The following B3GALT4 variants were observed in gnomAD, a reference collection of about 807,000 sequenced individuals.
B3GALT4 encodes the protein beta-1,3-galactosyltransferase 4, also known as UDP-Gal:betaGlcNAc beta 1,3-galactosyltransferase 4.
A neutral mutation model predicts 1.6 loss-of-function variants in B3GALT4; 1 was observed. The ratio of observed to expected loss-of-function variants is 0.64; its 90% CI spans 0.23 to 3.05. The LOEUF (loss-of-function observed/expected upper bound fraction) is 3.05, where lower values mean the gene tolerates loss of function less well. B3GALT4 is among the 30% of genes most tolerant of loss of function. The pLI is 0.21. For synonymous variants in B3GALT4, 259 were observed against 222.6 expected, an observed-to-expected ratio of 1.16 and a Z score of -1.46; for missense variants, 441 against 486.9, an observed-to-expected ratio of 0.91 and a Z score of 0.89.
rs2150890157 is a variant in B3GALT4, at chr6:33,278,771, T to C, written c.*215T>C. ...AGAAAAAAATGCTGCAGTTGTTCTC[T>C]CAAGCTAGGGCAGAAGAGGGGTGTC... On this transcript the variant is annotated 3_prime_UTR_variant, in exon 1 of 1. Transcript: ENST00000451237. The surrounding 1 kb of genome is among the most constrained non-coding windows in gnomAD (Gnocchi z 5.2). 4 of 845,094 alleles carry C rather than the reference T, an allele frequency of 4.7e-6. No individual in the cohort carries two copies. The South Asian group carries it at 1.3e-4, about 28-fold the overall frequency. The allele number at this position is 845,094 out of a possible 1,614,324, so 52.3% of individuals were successfully genotyped here.
Position 33,278,474 on chromosome 6 carries a change from A to C in B3GALT4, c.1055A>C (p.Glu352Ala). 1 of 1,607,074 alleles carries C rather than the reference A, an allele frequency of 6.2e-7. No individual in the cohort carries two copies. Among genetic ancestry groups the C allele is most frequent in the Middle Eastern group, 1.7e-4 (1 of 6,032 alleles). ...AAGCTGGTGGGTGGCTCTGACGGGG[A>C]AAGGACTGCGCCCTTTTGCTCCTGG... ...AWKLVGGSDG[E>A]RTAPFCSWFQ... The change falls in exon 1 of 1, where the codon GAA (glutamate) becomes GCA (alanine). Residue 352 changes from glutamate (E) to alanine (A), a missense_variant. By Grantham distance (107) the Glu-to-Ala change is moderately radical. Coordinates refer to ENST00000451237, the MANE Select transcript of B3GALT4 (RefSeq NM_003782.4). The surrounding 1 kb of genome is among the most constrained non-coding windows in gnomAD (Gnocchi z 5.2).
rs1482812829 is a variant in B3GALT4 at position 33,277,370 on chromosome 6, G to A, written c.-50G>A. 2 of 1,579,600 alleles carry A rather than the reference G, an allele frequency of 1.3e-6. No homozygotes were observed. The highest frequency in any genetic ancestry group is 1.3e-5 in the African/African-American group (1 of 74,218). On this transcript the variant is annotated 5_prime_UTR_variant, in exon 1 of 1. Transcript: ENST00000451237. This position sits in a 1 kb window ranked among gnomAD's most constrained non-coding sequence, Gnocchi z 5.3. ...CCCGGCCGTGACCCAGGCCCGGGGA[G>A]CTAGTCTCCGCCCTTCGCTCTTACG...
chr6:33,277,590 G>T lies in B3GALT4; in HGVS notation c.171G>T (p.Leu57Phe). The T allele has an allele frequency of 6.2e-6, 10 of 1,612,320 alleles. No individual in the cohort carries two copies. Among genetic ancestry groups the T allele is most frequent in the Non-Finnish European group, 8.5e-6 (10 of 1,179,228 alleles). The change falls in exon 1 of 1, where the codon TTG becomes TTT. Residue 57 changes from leucine (L) to phenylalanine (F), a missense_variant. Leu to Phe is a conservative substitution (Grantham distance 22, BLOSUM62 0). Transcript: ENST00000451237. This position sits in a 1 kb window ranked among gnomAD's most constrained non-coding sequence, Gnocchi z 5.3. ...CGCCCCTGGCCCTGCCCCGCCTCTT[G>T]ATCCCCAACCAGGAAGCTTGCAGTG... The part of the protein sequence containing the change: ...PGPPLALPRL[L>F]IPNQEACSGP...
At position 33,277,966 on chromosome 6, in the gene B3GALT4, C is replaced by T; in HGVS notation, c.547C>T (p.Pro183Ser). ...KTDDDVYVNVPELVSELVLRG... is the reference protein window; with the variant it reads ...KTDDDVYVNVSELVSELVLRG... ...GGACGATGATGTGTATGTCAACGTC[C>T]CTGAACTGGTATCAGAGCTGGTCTT... The change falls in exon 1 of 1, where the codon CCT becomes TCT. Residue 183 changes from proline to serine, a missense_variant. Transcript: ENST00000451237. This position sits in a 1 kb window ranked among gnomAD's most constrained non-coding sequence, Gnocchi z 5.3. 1 of 1,614,164 alleles carries T rather than the reference C, an allele frequency of 6.2e-7. No homozygotes were observed. Among genetic ancestry groups the T allele is most frequent in the Non-Finnish European group, 8.5e-7 (1 of 1,180,024 alleles).
rs1765856651 is a variant in B3GALT4 at position 33,278,785 on chromosome 6, AAG to A, written c.*232_*233del. The stretch of plus-strand genomic sequence containing the variant: ...CAGTTGTTCTCTCAAGCTAGGGCAG[AAG>A]AGGGGTGTCAAGCTCCTCAATAAAC... On this transcript the variant is annotated 3_prime_UTR_variant, in exon 1 of 1. Transcript: ENST00000451237. This position sits in a 1 kb window ranked among gnomAD's most constrained non-coding sequence, Gnocchi z 5.2. 3 of 714,112 alleles carry A rather than the reference AAG, an allele frequency of 4.2e-6. No homozygotes were observed. The African/African-American group carries it at 5.5e-5, about 13-fold the overall frequency. The allele number at this position is 714,112 out of a possible 1,614,324, so 44.2% of individuals were successfully genotyped here. A position where few individuals can be genotyped will look rare whatever the true frequency, so the allele number is the denominator to read the frequency against.
Position 33,277,384 on chromosome 6 carries a change from T to TTCGC in B3GALT4, c.-33_-30dup. On this transcript the variant is annotated 5_prime_UTR_variant, in exon 1 of 1. Coordinates refer to ENST00000451237, the MANE Select transcript of B3GALT4 (RefSeq NM_003782.4). The surrounding 1 kb of genome is among the most constrained non-coding windows in gnomAD (Gnocchi z 5.3). ...AGGCCCGGGGAGCTAGTCTCCGCCC[T>TTCGC]TCGCTCTTACGGATCCCCTCGGAGT... The TTCGC allele has an allele frequency of 6.3e-7, 1 of 1,595,776 alleles. No homozygotes were observed. The highest frequency in any genetic ancestry group is 2.2e-5 in the East Asian group (1 of 44,744).
rs1010746931 is a variant in B3GALT4 at position 33,277,875 on chromosome 6, A to G, written c.456A>G (p.Leu152=). The G allele has an allele frequency of 2.5e-6, 4 of 1,613,892 alleles. No homozygotes were observed. The highest frequency in any genetic ancestry group is 1.3e-5 in the African/African-American group (1 of 74,886). ...AFQDSYRNLT[L]KTLSGLNWAE... ...AGGACTCCTACCGCAACCTCACCCT[A>G]AAGACCCTCAGCGGGCTGAACTGGG... Residue 152 remains leucine, a synonymous_variant, in exon 1 of 1, where the codon CTA becomes CTG. Coordinates refer to ENST00000451237, the MANE Select transcript of B3GALT4 (RefSeq NM_003782.4). The surrounding 1 kb of genome is among the most constrained non-coding windows in gnomAD (Gnocchi z 5.3).
Position 33,277,992 on chromosome 6 carries a change from G to A in B3GALT4, c.573G>A (p.Leu191=). The A allele has an allele frequency of 6.2e-7, 1 of 1,614,186 alleles. No homozygotes were observed. The change falls in exon 1 of 1, where the codon TTG becomes TTA. Residue 191 remains leucine, a synonymous_variant. Coordinates refer to ENST00000451237, the MANE Select transcript of B3GALT4 (RefSeq NM_003782.4). This position sits in a 1 kb window ranked among gnomAD's most constrained non-coding sequence, Gnocchi z 5.3. Reference sequence around the variant, plus strand: ...CTGAACTGGTATCAGAGCTGGTCTTGCGAGGGGGCCGTTGGGGGCAATGGG... The same window carrying A: ...CTGAACTGGTATCAGAGCTGGTCTTACGAGGGGGCCGTTGGGGGCAATGGG... ...NVPELVSELV[L]RGGRWGQWER...
chr6:33,278,697 C>A lies in B3GALT4; in HGVS notation c.*141C>A. 1 of 1,329,508 alleles carries A rather than the reference C, an allele frequency of 7.5e-7. No individual in the cohort carries two copies. The highest frequency in any genetic ancestry group is 9.7e-7 in the Non-Finnish European group (1 of 1,029,270). The allele number at this position is 1,329,508 out of a possible 1,614,324, so 82.4% of individuals were successfully genotyped here. On this transcript the variant is annotated 3_prime_UTR_variant, in exon 1 of 1. Transcript: ENST00000451237. The surrounding 1 kb of genome is among the most constrained non-coding windows in gnomAD (Gnocchi z 5.2). ...CTAAAGACAGCGATATGGGAGACAC[C>A]CAGGGGCCTGGCCCGCCAGCCCAAA...
rs1765784710 is a variant in B3GALT4, at chr6:33,278,035, C to A, written c.616C>A (p.Gln206Lys). Residue 206 changes from glutamine to lysine, a missense_variant, in exon 1 of 1, where the codon CAG (glutamine) becomes AAG (lysine). Gln to Lys is a moderately conservative substitution (Grantham distance 53). Transcript: ENST00000451237. The surrounding 1 kb of genome is among the most constrained non-coding windows in gnomAD (Gnocchi z 5.2). ...GCAATGGGAGAGAAGCACGGAACCCCAGAGAGAGGCTGAGCAGGAAGGAGG... is the reference window on the plus strand; with the variant it reads ...GCAATGGGAGAGAAGCACGGAACCCAAGAGAGAGGCTGAGCAGGAAGGAGG... ...WGQWERSTEP[Q>K]REAEQEGGQV... The A allele has an allele frequency of 2.5e-6, 4 of 1,613,980 alleles. No homozygotes were observed. The highest frequency in any genetic ancestry group is 3.4e-6 in the Non-Finnish European group (4 of 1,179,972).
chr6:33,278,390 A>T lies in B3GALT4; in HGVS notation c.971A>T (p.Tyr324Phe), dbSNP rs751260597. The change falls in exon 1 of 1, where the codon TAT becomes TTT. Residue 324 changes from tyrosine (Y) to phenylalanine (F), a missense_variant. Physicochemically the swap from Tyr to Phe is conservative, Grantham distance 22. Coordinates refer to ENST00000451237, the MANE Select transcript of B3GALT4 (RefSeq NM_003782.4). The surrounding 1 kb of genome is among the most constrained non-coding windows in gnomAD (Gnocchi z 5.2). ...CACTACCCGCTAGACCGGTGCTGCT[A>T]TGGGAAATTCCTGCTGACGTCCCAC... is the stretch of plus-strand genomic sequence containing the variant. Reference protein sequence around the residue: ...ATHYPLDRCCYGKFLLTSHRL... With the variant: ...ATHYPLDRCCFGKFLLTSHRL... 6 of 1,608,538 alleles carry T rather than the reference A, an allele frequency of 3.7e-6. No homozygotes were observed. Among genetic ancestry groups the T allele is most frequent in the Non-Finnish European group, 5.1e-6 (6 of 1,176,550 alleles).
rs776978175 is a variant in B3GALT4 at position 33,278,367 on chromosome 6, C to T, written c.948C>T (p.His316=). 17 of 1,606,324 alleles carry T rather than the reference C, an allele frequency of 1.1e-5. No homozygotes were observed. In the South Asian group the frequency reaches 1.7e-4, roughly 16 times the overall value. The change falls in exon 1 of 1, where the codon CAC becomes CAT. Residue 316 remains histidine (H), a synonymous_variant. Transcript: ENST00000451237. The surrounding 1 kb of genome is among the most constrained non-coding windows in gnomAD (Gnocchi z 5.2). ...TQCVKLAGAT[H]YPLDRCCYGK... ...GTGTCAAGCTGGCTGGTGCCACCCA[C>T]TACCCGCTAGACCGGTGCTGCTATG...
rs1765712038 is a variant in B3GALT4 at position 33,277,303 on chromosome 6, G to C, written c.-117G>C. On this transcript the variant is annotated 5_prime_UTR_variant, in exon 1 of 1. Coordinates refer to ENST00000451237, the MANE Select transcript of B3GALT4 (RefSeq NM_003782.4). This position sits in a 1 kb window ranked among gnomAD's most constrained non-coding sequence, Gnocchi z 5.3. ...CCCCCAGGGTGCGCTGGTCCCGGTC[G>C]CGCGCTCAGACCTCCGCATCCCGGG... is the stretch of plus-strand genomic sequence containing the variant. 1 of 1,480,472 alleles carries C rather than the reference G, an allele frequency of 6.8e-7. No individual in the cohort carries two copies. Among genetic ancestry groups the C allele is most frequent in the Non-Finnish European group, 8.9e-7 (1 of 1,124,136 alleles). 91.7% of individuals were successfully genotyped at this position (1,480,472 alleles called of 1,614,324 possible). A position where few individuals can be genotyped will look rare whatever the true frequency, so the allele number is the denominator to read the frequency against.
In B3GALT4 at chr6:33,277,214, G is replaced by C. The variant is rs555363804; in HGVS notation, c.-206G>C. On this transcript the variant is annotated 5_prime_UTR_variant, in exon 1 of 1. Transcript: ENST00000451237. The surrounding 1 kb of genome is among the most constrained non-coding windows in gnomAD (Gnocchi z 5.3). ...AGCTTGCTGGCGGCGAGGCCGCGGC[G>C]ACAAGGTAGCCACCCCCGCAGCATG... 502 of 796,686 alleles carry C rather than the reference G, an allele frequency of 6.3e-4. 1 individual carries two copies. In the African/African-American group the frequency reaches 8.6e-3, roughly 14 times the overall value. The allele number at this position is 796,686 out of a possible 1,614,324, so 49.4% of individuals were successfully genotyped here.
chr6:33,277,306 C>G lies in B3GALT4; in HGVS notation c.-114C>G. ...CCAGGGTGCGCTGGTCCCGGTCGCG[C>G]GCTCAGACCTCCGCATCCCGGGCGT... On this transcript the variant is annotated 5_prime_UTR_variant, in exon 1 of 1. Coordinates refer to ENST00000451237, the MANE Select transcript of B3GALT4 (RefSeq NM_003782.4). This position sits in a 1 kb window ranked among gnomAD's most constrained non-coding sequence, Gnocchi z 5.3. The G allele has an allele frequency of 1.3e-6, 2 of 1,484,788 alleles. No individual in the cohort carries two copies. Among genetic ancestry groups the G allele is most frequent in the Non-Finnish European group, 1.8e-6 (2 of 1,126,680 alleles). 92.0% of individuals were successfully genotyped at this position (1,484,788 alleles called of 1,614,324 possible). A position where few individuals can be genotyped will look rare whatever the true frequency, so the allele number is the denominator to read the frequency against.
At position 33,278,441 on chromosome 6, in the gene B3GALT4, A is replaced by G; in HGVS notation, c.1022A>G (p.Glu341Gly). Residue 341 changes from glutamate to glycine, a missense_variant, in exon 1 of 1, where the codon GAA becomes GGA. By Grantham distance (98) the Glu-to-Gly change is moderately conservative. Transcript: ENST00000451237. This position sits in a 1 kb window ranked among gnomAD's most constrained non-coding sequence, Gnocchi z 5.2. Reference sequence around the variant, plus strand: ...AGGCTGGACCCCTGGAAGATGCAGGAAGCCTGGAAGCTGGTGGGTGGCTCT... The same window carrying G: ...AGGCTGGACCCCTGGAAGATGCAGGGAGCCTGGAAGCTGGTGGGTGGCTCT... ...SHRLDPWKMQ[E>G]AWKLVGGSDG... The G allele has an allele frequency of 6.2e-7, 1 of 1,611,756 alleles. No homozygotes were observed. The highest frequency in any genetic ancestry group is 8.5e-7 in the Non-Finnish European group (1 of 1,178,696).
rs1765772708 is a variant in B3GALT4 at position 33,277,880 on chromosome 6, C to T, written c.461C>T (p.Thr154Ile). The T allele has an allele frequency of 6.2e-7, 1 of 1,613,988 alleles. No homozygotes were observed. Among genetic ancestry groups the T allele is most frequent in the African/African-American group, 1.3e-5 (1 of 74,918 alleles). Residue 154 changes from threonine to isoleucine, a missense_variant, in exon 1 of 1, where the codon ACC (threonine) becomes ATC (isoleucine). Coordinates refer to ENST00000451237, the MANE Select transcript of B3GALT4 (RefSeq NM_003782.4). The surrounding 1 kb of genome is among the most constrained non-coding windows in gnomAD (Gnocchi z 5.3). ...TCCTACCGCAACCTCACCCTAAAGA[C>T]CCTCAGCGGGCTGAACTGGGCTGAG... is the stretch of plus-strand genomic sequence containing the variant. ...QDSYRNLTLK[T>I]LSGLNWAEKH...
Position 33,277,183 on chromosome 6 carries a change from G to T in B3GALT4, c.-237G>T. The T allele has an allele frequency of 1.7e-6, 1 of 582,722 alleles. No homozygotes were observed. The highest frequency in any genetic ancestry group is 2.8e-6 in the Non-Finnish European group (1 of 363,226). The allele number at this position is 582,722 out of a possible 1,614,324, so 36.1% of individuals were successfully genotyped here. A position where few individuals can be genotyped will look rare whatever the true frequency, so the allele number is the denominator to read the frequency against. On this transcript the variant is annotated 5_prime_UTR_variant, in exon 1 of 1. It introduces an in-frame stop codon into an upstream open reading frame of the 5' UTR. Transcript: ENST00000451237. This position sits in a 1 kb window ranked among gnomAD's most constrained non-coding sequence, Gnocchi z 5.3. ...TGAGTGCCGCAGTCGGCCAGCCATG[G>T]AGCGGAGCTTGCTGGCGGCGAGGCC... is the stretch of plus-strand genomic sequence containing the variant.
chr6:33,277,396 G>C lies in B3GALT4; in HGVS notation c.-24G>C. 6.2e-7 allele frequency: 1 copy of C among 1,602,988 alleles called. No homozygotes were observed. Among genetic ancestry groups the C allele is most frequent in the Non-Finnish European group, 8.5e-7 (1 of 1,177,378 alleles). On this transcript the variant is annotated 5_prime_UTR_variant, in exon 1 of 1. Transcript: ENST00000451237. This position sits in a 1 kb window ranked among gnomAD's most constrained non-coding sequence, Gnocchi z 5.3. ...CTAGTCTCCGCCCTTCGCTCTTACGGATCCCCTCGGAGTACGCCGCACCAT... is the reference window on the plus strand; with the variant it reads ...CTAGTCTCCGCCCTTCGCTCTTACGCATCCCCTCGGAGTACGCCGCACCAT...
Sources: allele counts gnomAD v4.1 joint callset, GRCh38; gene constraint gnomAD v4.1.1; non-coding constraint Gnocchi (gnomAD v3.1); transcripts MANE v1.5; gene names NCBI Gene and HGNC (gene_info 2026-07-23, HGNC 2026-07-21).